The following PDK1 variants were observed in gnomAD, a reference collection of about 807,000 sequenced individuals.
The protein encoded by PDK1 is pyruvate dehydrogenase kinase 1, also known as [Pyruvate dehydrogenase (acetyl-transferring)] kinase isozyme 1, mitochondrial.
PDK1 carries 39 observed loss-of-function variants against 54.2 expected under a neutral mutation model. The ratio of observed to expected loss-of-function variants is 0.72; its 90% CI spans 0.56 to 0.94. PDK1 has a LOEUF of 0.94. PDK1 is among the 40% of genes least tolerant of loss of function. The pLI, the probability that PDK1 is intolerant of heterozygous loss-of-function variation, is 0.00. For missense variants in PDK1, 552 were observed against 566.0 expected, an observed-to-expected ratio of 0.98 and a Z score of 0.25; for synonymous variants, 221 against 207.1, an observed-to-expected ratio of 1.07 and a Z score of -0.58.
At position 172,599,679 on chromosome 2, in the gene PDK1, A is replaced by G. The variant is rs1294284480; in HGVS notation, c.*3710A>G. The G allele has an allele frequency of 6.6e-6, 1 of 152,234 alleles. No individual in the cohort carries two copies. Among genetic ancestry groups the G allele is most frequent in the Non-Finnish European group, 1.5e-5 (1 of 68,044 alleles). 9.4% of individuals were successfully genotyped at this position (152,234 alleles called of 1,614,324 possible). ...TAGTTTGCTTAGTTCTGGCATTCAT[A>G]AACTACTGTACCTTCTGTTCTATTG... On this transcript the variant is annotated 3_prime_UTR_variant, in exon 11 of 11. Coordinates refer to ENST00000282077, the MANE Select transcript of PDK1 (RefSeq NM_002610.5).
At chr2:172,655,136 G>T in the PDK1 span, among the ~76,000 whole-genome samples, 3 of 152,182 alleles carry the variant, frequency 2.0e-5, no homozygotes, top group African/African-American at 4.8e-5. Context: ...CCAGCCTGCA[G>T]CCCTGCCCAC....
chr2:172,670,990 T>C, the PDK1 span, among the ~76,000 whole-genome samples: 2 of 152,096 alleles, frequency 1.3e-5, no homozygotes, highest in African/African-American at 4.8e-5. Context: ...CTTTGATCCA[T>C]AGAGATGTTT....
intron 1 of PDK1, 142 bp downstream of exon 1, chr2:172,556,488 A>G: frequency 1.9e-6 from 1 of 533,368 alleles, no homozygotes. Flanking sequence ...CCAGCGCCTT[A>G]GGTGCTTCCT....
chr2:172,723,306 C>T, the PDK1 span: 1 of 152,184 alleles, frequency 6.6e-6, no homozygotes, highest in African/African-American at 2.4e-5. Context: ...AGTTCAGATA[C>T]ACACACCTAA....
intron 7 of PDK1, 95 bp from the exon 8 acceptor site, chr2:172,570,631 A>G (rs764431378): frequency 3.3e-6 from 2 of 605,812 alleles, no homozygotes; most frequent in Non-Finnish European, 5.5e-6. Context: ...ATTTCCATCA[A>G]ATTTTAAAAC....
the PDK1 span, chr2:172,674,932 T>A: frequency 6.6e-6 from 1 of 152,262 alleles, no homozygotes; most frequent in South Asian, 2.1e-4. Flanking sequence ...TCCAACAGCA[T>A]GTGCTCGCTT....
the PDK1 span, among the ~76,000 whole-genome samples, chr2:172,614,007 A>G: frequency 6.6e-6 from 1 of 152,088 alleles, no homozygotes; most frequent in African/African-American, 2.4e-5. Context: ...ACAGCCGCAG[A>G]TCTGGGTCTC....
At chr2:172,655,622 G>A in the PDK1 span, among the ~76,000 whole-genome samples, 1 of 152,234 alleles carries the variant, frequency 6.6e-6, no homozygotes, top group Non-Finnish European at 1.5e-5. Context: ...GAACCCCTTT[G>A]CCTGATGTTT....
In PDK1 at chr2:172,570,738, G is replaced by A. The variant is rs2149230388; in HGVS notation, c.859G>A (p.Ala287Thr). Residue 287 changes from alanine to threonine, a missense_variant, in exon 8 of 11, where the codon GCC becomes ACC. Coordinates refer to ENST00000282077, the MANE Select transcript of PDK1 (RefSeq NM_002610.5). ...TAATGTATTTCAGAATGCAATGAGA[G>A]CCACTATGGAACACCATGCCAACAG... ...VFELFKNAMR[A>T]TMEHHANRGV... 1.3e-6 allele frequency: 2 copies of A among 1,597,832 alleles called. No homozygotes were observed. The highest frequency in any genetic ancestry group is 1.7e-6 in the Non-Finnish European group (2 of 1,166,842).
the PDK1 span, among the ~76,000 whole-genome samples, chr2:172,624,519 A>G: frequency 6.6e-6 from 1 of 151,946 alleles, no homozygotes; most frequent in African/African-American, 2.4e-5. Flanking sequence ...TCCCCAAACC[A>G]TCCCCCGAAC....
chr2:172,562,164 A>T (rs891822627), intron 2 of PDK1, 56 bp from the exon 3 acceptor site: 1 of 898,696 alleles, frequency 1.1e-6, no homozygotes, highest in African/African-American at 1.7e-5. Context: ...AATTTTCATG[A>T]TATTGAACTT....
At chr2:172,584,125 C>G (rs1690075494) in intron 8 of PDK1, among the ~76,000 whole-genome samples, 1 of 152,140 alleles carries the variant, frequency 6.6e-6, no homozygotes, top group Non-Finnish European at 1.5e-5. Flanking sequence ...AGAAAGTTTT[C>G]TGGGGTTCTA....
At position 172,602,148 on chromosome 2, in the gene PDK1, A is replaced by G. The variant is rs967252684; in HGVS notation, c.*6179A>G. 1 of 152,212 alleles carries G rather than the reference A, an allele frequency of 6.6e-6. No homozygotes were observed. The highest frequency in any genetic ancestry group is 1.5e-5 in the Non-Finnish European group (1 of 68,032). 9.4% of individuals were successfully genotyped at this position (152,212 alleles called of 1,614,324 possible). ...GAAAGCTACCCAACCCATTTCAGAA[A>G]GTTAGTAAAATCTCAAAGCTACACT... On this transcript the variant is annotated 3_prime_UTR_variant, in exon 11 of 11. Transcript: ENST00000282077.
the PDK1 span, among the ~76,000 whole-genome samples, chr2:172,668,047 C>A: frequency 6.6e-6 from 1 of 152,154 alleles, no homozygotes; most frequent in African/African-American, 2.4e-5. Flanking sequence ...AAATCAGGAG[C>A]CTATTTAAAG....
the PDK1 span, among the ~76,000 whole-genome samples, chr2:172,693,389 C>T: frequency 0.053 from 8,101 of 152,262 alleles, 412 homozygotes; most frequent in East Asian, 0.22. Flanking sequence ...TTGCCATTTA[C>T]TGGGGGGTGA....
At chr2:172,556,986 A>G (rs75221282) in intron 1 of PDK1, among the ~76,000 whole-genome samples, 3,204 of 152,358 alleles carry the variant, frequency 0.021, 106 homozygotes, top group African/African-American at 0.074. Context: ...AAGGAATTGC[A>G]TAGTTAGGCA....
At position 172,579,671 on chromosome 2, in the gene PDK1, A is replaced by G. The variant is rs575275921; in HGVS notation, c.946-6607A>G. 1.0e-4 allele frequency among the ~76,000 whole-genome samples: 15 copies of G among 148,954 alleles called. No individual in the cohort carries two copies. In the East Asian group the frequency reaches 3.0e-3, roughly 29 times the overall value. On this transcript the variant is annotated intron_variant, in intron 8 of 10. Coordinates refer to ENST00000282077, the MANE Select transcript of PDK1 (RefSeq NM_002610.5). ...TCTTCCTTCTTATGTGACCAGTTTT[A>G]GGTGTCTACTTTTGTTTAACTAGAG...
the PDK1 span, among the ~76,000 whole-genome samples, chr2:172,683,307 A>C: frequency 2.0e-5 from 3 of 150,478 alleles, no homozygotes; most frequent in African/African-American, 7.3e-5. Flanking sequence ...AGATCGCACC[A>C]CTGCACTCCA....
At chr2:172,566,689 C>G (rs982415708) in intron 5 of PDK1, among the ~76,000 whole-genome samples, 167 bp from the exon 6 acceptor site, 1 of 135,508 alleles carries the variant, frequency 7.4e-6, no homozygotes, top group African/African-American at 2.8e-5. Context: ...GACCATGTCT[C>G]TACCAAAAAA....
Sources: allele counts gnomAD v4.1 joint callset (sites outside exome capture counted in the v4.1 genomes callset), GRCh38; gene constraint gnomAD v4.1.1; transcripts MANE v1.5; gene names NCBI Gene and HGNC (gene_info 2026-07-23, HGNC 2026-07-21).